CDC27: variants seen among roughly 807,000 people sequenced by gnomAD.
The protein encoded by CDC27 is cell division cycle protein 27 homolog.
In CDC27, 27 loss-of-function variants were observed where a neutral mutation model predicts 109.7. The observed-to-expected ratio is 0.25, with a 90% CI of 0.18 to 0.34. The LOEUF (loss-of-function observed/expected upper bound fraction) is 0.34, where lower values mean the gene tolerates loss of function less well. Among genes scored for constraint, CDC27 ranks in the 10% least tolerant of loss-of-function variants. The probability of loss-of-function intolerance (pLI) is 1.00; values close to 1 mark genes in which losing one functional copy is unlikely to be tolerated. For synonymous variants in CDC27, 266 were observed against 333.9 expected (o/e 0.80, Z 2.22); for missense variants, 579 against 960.2 (o/e 0.60, Z 5.25).
At chr17:47,167,174 A>G (rs2063675554) in intron 4 of CDC27, among the ~76,000 whole-genome samples, 1 of 152,194 alleles carries the variant, frequency 6.6e-6, no homozygotes, top group African/African-American at 2.4e-5. Flanking sequence ...ATTTAGAAGT[A>G]TGTGGTTTCA....
intron 2 of CDC27, among the ~76,000 whole-genome samples, chr17:47,180,333 A>G (rs2064175149): frequency 6.6e-6 from 1 of 152,008 alleles, no homozygotes; most frequent in Non-Finnish European, 1.5e-5. Flanking sequence ...TGCTGCCCAG[A>G]TCTTCCTCAC....
chr17:47,128,642 C>A (rs968945550), intron 16 of CDC27, among the ~76,000 whole-genome samples: 1 of 151,898 alleles, frequency 6.6e-6, no homozygotes, highest in Non-Finnish European at 1.5e-5. Context: ...GATAGTAGGC[C>A]CCTCAAAAGC....
chr17:47,133,026 T>TATATAC (rs1555783848), intron 14 of CDC27, among the ~76,000 whole-genome samples: 8 of 32,366 alleles, frequency 2.5e-4, no homozygotes, highest in African/African-American at 5.6e-4. Flanking sequence ...TATATATATA[T>TATATAC]ATACACACAC....
Position 47,158,261 on chromosome 17 carries a change from CT to C in CDC27, c.419del (p.Lys140ArgfsTer5). ...AGAGGAAAGGATTTAAACTAAGGCT[CT>C]TTTGGTAACATTCTGATCCTTTGGC... ...RLAKGSECYQ[K>X]SLSLNPFLWS... On this transcript the variant is annotated frameshift_variant, in exon 5 of 19. Coordinates refer to ENST00000066544, the MANE Select transcript of CDC27 (RefSeq NM_001256.6). LOFTEE classifies it high-confidence loss of function. 1 of 1,586,262 alleles carries C rather than the reference CT, an allele frequency of 6.3e-7. No individual in the cohort carries two copies. Among genetic ancestry groups the C allele is most frequent in the Admixed American group, 1.8e-5 (1 of 56,044 alleles).
At chr17:47,148,376 A>G (rs761904926) in intron 9 of CDC27, among the ~76,000 whole-genome samples, 16 of 152,206 alleles carry the variant, frequency 1.1e-4, no homozygotes, top group Non-Finnish European at 1.8e-4. Context: ...ACTATCCAAA[A>G]TGAAACACGG....
At chr17:47,167,099 C>G (rs1230209799) in intron 4 of CDC27, among the ~76,000 whole-genome samples, 1 of 152,230 alleles carries the variant, frequency 6.6e-6, no homozygotes, top group African/African-American at 2.4e-5. Context: ...AGGTGATCCA[C>G]CCACCTTGGC....
At position 47,159,507 on chromosome 17, in the gene CDC27, C is replaced by A. The variant is rs561132120; in HGVS notation, c.378-1204G>T. ...GCGACGAGGCGCACCAGCACAGAGC[C>A]GCAGTGGCCTGTCACCTTGCAAGGG... is the stretch of plus-strand genomic sequence containing the variant. On this transcript the variant is annotated intron_variant, in intron 4 of 18. Coordinates refer to ENST00000066544, the MANE Select transcript of CDC27 (RefSeq NM_001256.6). 1.3e-5 allele frequency: 7 copies of A among 526,320 alleles called. No homozygotes were observed. The South Asian group carries it at 1.8e-4, about 13-fold the overall frequency. 32.6% of individuals were successfully genotyped at this position (526,320 alleles called of 1,614,324 possible).
At chr17:47,175,281 C>T (rs112355622) in intron 2 of CDC27, among the ~76,000 whole-genome samples, 29 of 152,252 alleles carry the variant, frequency 1.9e-4, no homozygotes, top group African/African-American at 6.7e-4. Context: ...AGATAGACGC[C>T]TCTTCTTCAC....
chr17:47,170,976 C>T (rs1433052876), intron 3 of CDC27: 1 of 152,088 alleles, frequency 6.6e-6, no homozygotes, highest in East Asian at 1.9e-4. Flanking sequence ...TGACACGTGT[C>T]TGCAGCTCCA....
At chr17:47,162,374 C>T (rs1317386067) in intron 4 of CDC27, among the ~76,000 whole-genome samples, 1 of 152,128 alleles carries the variant, frequency 6.6e-6, no homozygotes, top group African/African-American at 2.4e-5. Context: ...TCTCATAATA[C>T]TAACCATAGT....
At chr17:47,163,608 T>C (rs2063558914) in intron 4 of CDC27, among the ~76,000 whole-genome samples, 1 of 152,192 alleles carries the variant, frequency 6.6e-6, no homozygotes, top group Admixed American at 6.6e-5. Flanking sequence ...CTTCCTTGTT[T>C]ACATATATGT....
At chr17:47,163,544 C>CA (rs1227113539) in intron 4 of CDC27, among the ~76,000 whole-genome samples, 2 of 151,748 alleles carry the variant, frequency 1.3e-5, no homozygotes, top group Admixed American at 6.6e-5. Flanking sequence ...CTACCAAAAC[C>CA]AAAAAAATAT....
intron 9 of CDC27, among the ~76,000 whole-genome samples, chr17:47,151,213 A>G (rs562308574): frequency 6.6e-6 from 1 of 152,362 alleles, no homozygotes; most frequent in East Asian, 1.9e-4. Flanking sequence ...TAGACTTACC[A>G]TTCTGGGAGC....
chr17:47,128,643 C>A (rs548794226), intron 16 of CDC27, among the ~76,000 whole-genome samples: 2 of 152,110 alleles, frequency 1.3e-5, no homozygotes, highest in African/African-American at 4.8e-5. Flanking sequence ...ATAGTAGGCC[C>A]CTCAAAAGCA....
intron 9 of CDC27, among the ~76,000 whole-genome samples, chr17:47,148,403 A>T (rs1430257171): frequency 6.6e-6 from 1 of 152,212 alleles, no homozygotes; most frequent in Non-Finnish European, 1.5e-5. Flanking sequence ...GAAAGATTGG[A>T]AACAAAAATG....
At chr17:47,132,431 AGTTC>A in intron 14 of CDC27, 57 bp from the exon 15 acceptor site, 1 of 753,972 alleles carries the variant, frequency 1.3e-6, no homozygotes, top group Non-Finnish European at 2.1e-6. Flanking sequence ...TTGCTAATTT[AGTTC>A]AATTAGTAAA....
At chr17:47,151,782 T>C (rs369524997) in intron 9 of CDC27, 24 bp downstream of exon 9, 19 of 1,502,778 alleles carry the variant, frequency 1.3e-5, no homozygotes, top group African/African-American at 1.4e-5. Flanking sequence ...CCAAGAAAAG[T>C]TGAATAATTA....
intron 9 of CDC27, 82 bp from the exon 10 acceptor site, chr17:47,144,064 T>C (rs2062879729): frequency 2.3e-6 from 1 of 438,640 alleles, no homozygotes; most frequent in Non-Finnish European, 3.7e-6. Context: ...GGGTATATTT[T>C]AAAAATATAC....
chr17:47,135,505 G>A (rs1207939224), intron 14 of CDC27, among the ~76,000 whole-genome samples: 1 of 152,186 alleles, frequency 6.6e-6, no homozygotes, highest in East Asian at 1.9e-4. Context: ...CTTTATTTGA[G>A]TGGCTTTATA....
Sources: allele counts gnomAD v4.1 joint callset (sites outside exome capture counted in the v4.1 genomes callset), GRCh38; gene constraint gnomAD v4.1.1; transcripts MANE v1.5; gene names NCBI Gene and HGNC (gene_info 2026-07-23, HGNC 2026-07-21).